ZNF433: variants seen among roughly 807,000 people sequenced by gnomAD.
The protein encoded by ZNF433 is zinc finger protein 433.
ZNF433 carries 12 observed loss-of-function variants against 10.6 expected under a neutral mutation model. The observed-to-expected ratio is 1.13, with a 90% CI of 0.72 to 1.83. The LOEUF (loss-of-function observed/expected upper bound fraction) is 1.83, where lower values mean the gene tolerates loss of function less well. ZNF433 is among the 40% of genes most tolerant of loss of function. The probability of loss-of-function intolerance (pLI) is 0.00; values close to 1 mark genes in which losing one functional copy is unlikely to be tolerated. For synonymous variants in ZNF433, 272 were observed against 271.3 expected, an observed-to-expected ratio of 1.00 and a Z score of -0.02; for missense variants, 737 against 798.0, an observed-to-expected ratio of 0.92 and a Z score of 0.92.
At chr19:12,026,469 C>A in intron 1 of ZNF433, 2 of 334,658 alleles carry the variant, frequency 6.0e-6, no homozygotes, top group Non-Finnish European at 1.2e-5. Context: ...ATCACCATTG[C>A]CATGAGTATT....
chr19:12,033,194 A>G (rs986004936), intron 1 of ZNF433, among the ~76,000 whole-genome samples: 1 of 152,064 alleles, frequency 6.6e-6, no homozygotes, highest in Non-Finnish European at 1.5e-5. Context: ...CCCAGGTCCA[A>G]GCAATTCTCA....
At chr19:12,030,587 G>A (rs1405687632) in intron 1 of ZNF433, among the ~76,000 whole-genome samples, 1 of 152,160 alleles carries the variant, frequency 6.6e-6, no homozygotes, top group Non-Finnish European at 1.5e-5. Flanking sequence ...GACTAAGATA[G>A]ATAGGCACTA....
chr19:12,017,396 T>C (rs147022707), intron 3 of ZNF433, among the ~76,000 whole-genome samples: 2,937 of 151,912 alleles, frequency 0.019, 87 homozygotes, highest in African/African-American at 0.058. Flanking sequence ...AGAGATGGGG[T>C]TTCACTATGT....
chr19:12,023,819 T>C (rs1241897316), intron 1 of ZNF433: 1 of 152,018 alleles, frequency 6.6e-6, no homozygotes. Context: ...ACTGCAACAA[T>C]GGGGAGTACA....
At chr19:12,031,527 C>T (rs917960459) in intron 1 of ZNF433, among the ~76,000 whole-genome samples, 23 of 151,984 alleles carry the variant, frequency 1.5e-4, no homozygotes, top group African/African-American at 4.8e-4. Flanking sequence ...GTGGCAGTCA[C>T]CAGCTACTCA....
At chr19:12,019,063 A>AT (rs1296517971) in intron 1 of ZNF433, among the ~76,000 whole-genome samples, 2 of 150,252 alleles carry the variant, frequency 1.3e-5, no homozygotes, top group Admixed American at 1.3e-4. Context: ...AAAAAAAAAA[A>AT]AAAAAAAAAA....
chr19:12,029,347 C>A (rs1974889756), intron 1 of ZNF433, among the ~76,000 whole-genome samples: 1 of 151,668 alleles, frequency 6.6e-6, no homozygotes, highest in African/African-American at 2.4e-5. Context: ...CATGGTGAAA[C>A]CCCTCTCTAC....
chr19:12,034,757 G>C, intron 1 of ZNF433: 1 of 452,874 alleles, frequency 2.2e-6, no homozygotes, highest in Non-Finnish European at 4.4e-6. Flanking sequence ...GCCACCTTCA[G>C]AATCCCTCAA....
rs1555713798 is a variant in ZNF433 at position 12,031,317 on chromosome 19, A to AAC, written c.3+4219_3+4220insGT. Among the ~76,000 whole-genome samples, 264 of 116,908 alleles carry AAC rather than the reference A, an allele frequency of 2.3e-3. 3 individuals carry two copies. Among genetic ancestry groups the AAC allele is most frequent in the African/African-American group, 8.2e-3 (144 of 17,590 alleles). 76.7% of individuals were successfully genotyped at this position (116,908 alleles called of 152,430 possible). A position where few individuals can be genotyped will look rare whatever the true frequency, so the allele number is the denominator to read the frequency against. ...CTCAAAAAAAAAAAAAAAACAAAAC[A>AAC]AAAAAAAAAACAAAGCAGCTGACCA... is the stretch of plus-strand genomic sequence containing the variant. On this transcript the variant is annotated intron_variant, in intron 1 of 3. Coordinates refer to ENST00000550507, the MANE Select transcript of ZNF433 (RefSeq NM_001308348.2).
At chr19:12,035,441 A>G (rs1361360487) in intron 1 of ZNF433, 96 bp downstream of exon 1, 8 of 1,509,510 alleles carry the variant, frequency 5.3e-6, no homozygotes, top group Non-Finnish European at 7.2e-6. Context: ...CAGACCCCGG[A>G]GTCGCCGCGG....
Position 12,018,311 on chromosome 19 carries a change from A to G in ZNF433, c.4-19T>C. 6.2e-7 allele frequency: 1 copy of G among 1,605,458 alleles called. No homozygotes were observed. Among genetic ancestry groups the G allele is most frequent in the Non-Finnish European group, 8.5e-7 (1 of 1,177,292 alleles). ...CTGAATCCTGAAACATCTCACATGTATAGAGGAGGATGGATAAGACTAACA... is the reference window on the plus strand; with the variant it reads ...CTGAATCCTGAAACATCTCACATGTGTAGAGGAGGATGGATAAGACTAACA... On this transcript the variant is annotated intron_variant, in intron 1 of 3. Transcript: ENST00000550507.
At chr19:12,035,481 C>A in intron 1 of ZNF433, 56 bp downstream of exon 1, 2 of 1,554,466 alleles carry the variant, frequency 1.3e-6, no homozygotes, top group Non-Finnish European at 1.7e-6. Context: ...CAGCCGGTTC[C>A]GGCCGGTTCC....
chr19:12,017,822 C>G, intron 3 of ZNF433, 54 bp downstream of exon 3: 1 of 1,002,664 alleles, frequency 1.0e-6, no homozygotes, highest in Non-Finnish European at 1.5e-6. Flanking sequence ...AACATTTTCT[C>G]CCATTCTAAG....
chr19:12,015,501 C>G lies in ZNF433; in HGVS notation c.1357G>C (p.Gly453Arg). The change falls in exon 4 of 4, where the codon GGA becomes CGA. Residue 453 changes from glycine (G) to arginine (R), a missense_variant. Physicochemically the swap from Gly to Arg is moderately radical, Grantham distance 125. Coordinates refer to ENST00000550507, the MANE Select transcript of ZNF433 (RefSeq NM_001308348.2). Reference sequence around the variant, plus strand: ...AAAGAGAAATTACTAAATGGTTTTCCACATTCCTTACATGCATAGGGTTTC... The same window carrying G: ...AAAGAGAAATTACTAAATGGTTTTCGACATTCCTTACATGCATAGGGTTTC... Reference protein sequence around the residue: ...GEKPYACKECGKPFSNFSFFQ... With the variant: ...GEKPYACKECRKPFSNFSFFQ... 3 of 1,614,052 alleles carry G rather than the reference C, an allele frequency of 1.9e-6. No homozygotes were observed. The highest frequency in any genetic ancestry group is 2.5e-6 in the Non-Finnish European group (3 of 1,180,026).
In ZNF433 at chr19:12,035,631, G is replaced by A; in HGVS notation, c.-92C>T. ...GAGGCACCTGAACCCTCTCGGAGGG[G>A]AAAGCCAGGCTCCCAACCTCAGCTC... On this transcript the variant is annotated 5_prime_UTR_variant, in exon 1 of 4. Coordinates refer to ENST00000550507, the MANE Select transcript of ZNF433 (RefSeq NM_001308348.2). The A allele has an allele frequency of 6.6e-7, 1 of 1,512,620 alleles. No individual in the cohort carries two copies. The highest frequency in any genetic ancestry group is 8.9e-7 in the Non-Finnish European group (1 of 1,120,876). The allele number at this position is 1,512,620 out of a possible 1,614,324, so 93.7% of individuals were successfully genotyped here.
intron 3 of ZNF433, 147 bp from the exon 4 acceptor site, chr19:12,016,813 C>T (rs1020878764): frequency 8.4e-5 from 98 of 1,167,378 alleles, no homozygotes; most frequent in South Asian, 1.2e-4. Flanking sequence ...GTGCGATCTT[C>T]GCTTACTGCA....
chr19:12,021,149 T>G (rs1264580060), intron 1 of ZNF433, among the ~76,000 whole-genome samples: 1 of 151,646 alleles, frequency 6.6e-6, no homozygotes. Flanking sequence ...CCGGCTAATT[T>G]TTTTGTATTT....
intron 1 of ZNF433, 135 bp downstream of exon 1, chr19:12,035,402 G>A (rs946596996): frequency 3.6e-5 from 46 of 1,288,320 alleles, no homozygotes; most frequent in Middle Eastern, 2.5e-4. Context: ...GGGACCAAGG[G>A]CCGAGCTGTC....
At position 12,017,825 on chromosome 19, in the gene ZNF433, A is replaced by G. The variant is rs376182537; in HGVS notation, c.191+51T>C. ...TTTTTTTTTTTTAACATTTTCTCCC[A>G]TTCTAAGATTTTCTAGAGACACACG... On this transcript the variant is annotated intron_variant, in intron 3 of 3. Transcript: ENST00000550507. 5 of 1,051,604 alleles carry G rather than the reference A, an allele frequency of 4.8e-6. No individual in the cohort carries two copies. In the African/African-American group the frequency reaches 8.6e-5, roughly 18 times the overall value. The allele number at this position is 1,051,604 out of a possible 1,614,324, so 65.1% of individuals were successfully genotyped here.
Sources: allele counts gnomAD v4.1 joint callset (sites outside exome capture counted in the v4.1 genomes callset), GRCh38; gene constraint gnomAD v4.1.1; transcripts MANE v1.5; gene names NCBI Gene and HGNC (gene_info 2026-07-23, HGNC 2026-07-21).